The following TRIM66 variants were observed in gnomAD, a reference collection of about 807,000 sequenced individuals.
TRIM66 encodes tripartite motif-containing protein 66.
A neutral mutation model predicts 148.2 loss-of-function variants in TRIM66; 99 were observed. That is an observed-to-expected ratio of 0.67 (90% CI 0.57 to 0.79). The LOEUF (loss-of-function observed/expected upper bound fraction) is 0.79. TRIM66 is among the 30% of genes least tolerant of loss of function. TRIM66 has a pLI of 0.00. For missense variants in TRIM66, 1,666 were observed against 1,697.9 expected (o/e 0.98, Z 0.33); for synonymous variants, 616 against 635.9 (o/e 0.97, Z 0.47).
intron 14 of TRIM66, 58 bp downstream of exon 14, chr11:8,640,169 T>C: frequency 6.7e-7 from 1 of 1,490,650 alleles, no homozygotes; most frequent in South Asian, 1.3e-5. Context: ...GGAGGCTGTG[T>C]TCCCTGAGTG....
At chr11:8,664,955 G>C (rs888115054) in intron 6 of TRIM66, among the ~76,000 whole-genome samples, 1 of 152,066 alleles carries the variant, frequency 6.6e-6, no homozygotes, top group Non-Finnish European at 1.5e-5. Context: ...GCAACTGCTC[G>C]GCTCTGCCCA....
intron 6 of TRIM66, among the ~76,000 whole-genome samples, chr11:8,653,247 A>G (rs543150373): frequency 6.6e-6 from 1 of 152,326 alleles, no homozygotes; most frequent in East Asian, 1.9e-4. Flanking sequence ...CAGGTCAGTG[A>G]TGAGTTTTTA....
At chr11:8,638,553 AG>A in intron 15 of TRIM66, 100 bp downstream of exon 15, 1 of 1,324,558 alleles carries the variant, frequency 7.5e-7, no homozygotes, top group Non-Finnish European at 1.0e-6. Context: ...GGGATGGAAC[AG>A]GGACGCTCCT....
At chr11:8,661,050 C>T (rs982403608) in intron 6 of TRIM66, among the ~76,000 whole-genome samples, 1 of 152,058 alleles carries the variant, frequency 6.6e-6, no homozygotes, top group Admixed American at 6.5e-5. Context: ...AGTGTAGTCC[C>T]GGAGTCAGAG....
chr11:8,649,691 A>G (rs1325400624), intron 8 of TRIM66, 49 bp downstream of exon 8: 2 of 1,541,780 alleles, frequency 1.3e-6, no homozygotes, highest in East Asian at 2.5e-5. Flanking sequence ...CTTAGGGTTC[A>G]GCCCTGCTTT....
intron 15 of TRIM66, among the ~76,000 whole-genome samples, chr11:8,635,249 TCA>T (rs1176306520): frequency 6.6e-6 from 1 of 152,198 alleles, no homozygotes; most frequent in East Asian, 1.9e-4. Context: ...TCTCTGTGTC[TCA>T]GTTTCCACAT....
At chr11:8,670,877 T>A (rs1247291579) in intron 6 of TRIM66, among the ~76,000 whole-genome samples, 1 of 152,258 alleles carries the variant, frequency 6.6e-6, no homozygotes, top group East Asian at 1.9e-4. Context: ...AATATGTAGA[T>A]AATCCAGACT....
intron 6 of TRIM66, among the ~76,000 whole-genome samples, chr11:8,668,538 T>C (rs1371669149): frequency 6.6e-6 from 1 of 152,124 alleles, no homozygotes. Flanking sequence ...CTGGGCTTGC[T>C]CATAGCATGG....
intron 15 of TRIM66, among the ~76,000 whole-genome samples, chr11:8,631,438 T>C (rs567282369): frequency 6.6e-6 from 1 of 152,330 alleles, no homozygotes; most frequent in East Asian, 1.9e-4. Context: ...TTATTTCAAA[T>C]GGGAGTACTT....
chr11:8,650,766 C>G (rs1438387264), intron 7 of TRIM66, among the ~76,000 whole-genome samples: 4 of 152,180 alleles, frequency 2.6e-5, no homozygotes, highest in African/African-American at 9.7e-5. Context: ...GAGCTGGATA[C>G]TGAATGACAA....
intron 6 of TRIM66, among the ~76,000 whole-genome samples, chr11:8,670,900 ACT>A (rs377233312): frequency 4.8e-4 from 73 of 152,296 alleles, no homozygotes; most frequent in African/African-American, 1.5e-3. Context: ...AGTTTTTAAA[ACT>A]CTATTATCAC....
intron 6 of TRIM66, among the ~76,000 whole-genome samples, chr11:8,671,535 T>G (rs1220521077): frequency 6.6e-6 from 1 of 152,152 alleles, no homozygotes; most frequent in Non-Finnish European, 1.5e-5. Flanking sequence ...TCAAAACCTT[T>G]CCAGGCTTCT....
At chr11:8,666,023 C>A (rs1402107195) in intron 6 of TRIM66, among the ~76,000 whole-genome samples, 2 of 151,950 alleles carry the variant, frequency 1.3e-5, no homozygotes, top group Non-Finnish European at 2.9e-5. Flanking sequence ...CATGACCCAG[C>A]CAGACTGTAA....
At chr11:8,676,916 T>C (rs2039205073) in intron 3 of TRIM66, among the ~76,000 whole-genome samples, 1 of 152,236 alleles carries the variant, frequency 6.6e-6, no homozygotes, top group African/African-American at 2.4e-5. Context: ...ATCTTAGTTT[T>C]CCAAAACCCA....
chr11:8,657,725 C>A (rs916152435), intron 6 of TRIM66, among the ~76,000 whole-genome samples: 1 of 152,036 alleles, frequency 6.6e-6, no homozygotes, highest in East Asian at 1.9e-4. Context: ...CCAGCTAAGG[C>A]CCCCACCACA....
rs1283946311 is a variant in TRIM66, at chr11:8,640,272, C to A, written c.2103G>T (p.Arg701Ser). 6.4e-7 allele frequency: 1 copy of A among 1,551,428 alleles called. No individual in the cohort carries two copies. The highest frequency in any genetic ancestry group is 1.4e-5 in the African/African-American group (1 of 72,918). The change falls in exon 14 of 25, where the codon AGG becomes AGT. Residue 701 changes from arginine (R) to serine (S), a missense_variant. This residue lies in a region of TRIM66 where 1,431 missense variants were observed against 1,412.4 expected (regional missense o/e 1.01). Transcript: ENST00000646038. Reference sequence around the variant, plus strand: ...TCTGGGACTGGACAGGTGCTGGCTGCCTCACGATGTAGTTGATCTGCCCCA... The same window carrying A: ...TCTGGGACTGGACAGGTGCTGGCTGACTCACGATGTAGTTGATCTGCCCCA... ...TIVGQINYIV[R>S]QPAPVQSQSQ...
At position 8,618,650 on chromosome 11, in the gene TRIM66, T is replaced by A. The variant is rs954578894; in HGVS notation, c.4119+100A>T. On this transcript the variant is annotated intron_variant, in intron 24 of 24. Coordinates refer to ENST00000646038, the MANE Select transcript of TRIM66 (RefSeq NM_001388022.1). ...TGAGGGTTCGTTGTCACCACCATCT[T>A]TTTGCACCACCCGAACAGCTTCACC... 22 of 1,167,420 alleles carry A rather than the reference T, an allele frequency of 1.9e-5. No individual in the cohort carries two copies. In the African/African-American group the frequency reaches 2.6e-4, roughly 14 times the overall value. 72.3% of individuals were successfully genotyped at this position (1,167,420 alleles called of 1,614,324 possible).
intron 5 of TRIM66, 30 bp downstream of exon 5, chr11:8,672,218 G>C (rs1565576584): frequency 6.5e-7 from 1 of 1,536,152 alleles, no homozygotes; most frequent in Admixed American, 2.0e-5. Context: ...TCCAGAGCTG[G>C]AGGCTCATGC....
Position 8,621,185 on chromosome 11 carries a change from C to T in TRIM66, c.3392G>A (p.Arg1131Gln), listed in dbSNP as rs372436751. ...TSPEEHRLIP[R>Q]TPGAKKGPPA... ...GGGGCCCTTCTTGGCTCCTGGGGTT[C>T]GAGGAATGAGTCTGTGTTCTTCAGG... Residue 1131 changes from arginine to glutamine, a missense_variant, in exon 20 of 25, where the codon CGA becomes CAA. Arg to Gln is a conservative substitution (Grantham distance 43). Coordinates refer to ENST00000646038, the MANE Select transcript of TRIM66 (RefSeq NM_001388022.1). The T allele has an allele frequency of 5.1e-4, 799 of 1,551,544 alleles. 2 individuals carry two copies. The highest frequency in any genetic ancestry group is 6.5e-4 in the Non-Finnish European group (747 of 1,146,992).
Sources: allele counts gnomAD v4.1 joint callset (sites outside exome capture counted in the v4.1 genomes callset), GRCh38; gene constraint gnomAD v4.1.1; regional missense constraint gnomAD v4.1.1; transcripts MANE v1.5; gene names NCBI Gene and HGNC (gene_info 2026-07-23, HGNC 2026-07-21).